Variants in TMCC1 observed in about 807,000 individuals in gnomAD.
The protein encoded by TMCC1 is transmembrane and coiled-coil domain family 1.
A neutral mutation model predicts 52.4 loss-of-function variants in TMCC1; 15 were observed. That is an observed-to-expected ratio of 0.29 (90% CI 0.19 to 0.44). The LOEUF (loss-of-function observed/expected upper bound fraction) is 0.44. TMCC1 is among the 20% of genes least tolerant of loss of function. The pLI, the probability that TMCC1 is intolerant of heterozygous loss-of-function variation, is 1.00. For missense variants in TMCC1, 503 were observed against 806.0 expected (o/e 0.62, Z 4.55); for synonymous variants, 279 against 301.9 (o/e 0.92, Z 0.79).
chr3:129,727,462 T>A (rs1346774326), intron 4 of TMCC1, among the ~76,000 whole-genome samples: 2 of 152,186 alleles, frequency 1.3e-5, no homozygotes, highest in Admixed American at 1.3e-4. Context: ...TTTATAAATA[T>A]GAATTTTAAA....
Position 129,693,749 on chromosome 3 carries a change from C to T in TMCC1, c.577-22485G>A, listed in dbSNP as rs144885175. Reference sequence around the variant, plus strand: ...CCCACATTTTAGTAGATTGATTCTGCCTCTGTGATCTGAATAAAACATTAA... The same window carrying T: ...CCCACATTTTAGTAGATTGATTCTGTCTCTGTGATCTGAATAAAACATTAA... On this transcript the variant is annotated intron_variant, in intron 4 of 6. Transcript: ENST00000393238. 6.6e-5 allele frequency among the ~76,000 whole-genome samples: 10 copies of T among 152,164 alleles called. No individual in the cohort carries two copies. In the East Asian group the frequency reaches 1.9e-3, roughly 29 times the overall value.
intron 4 of TMCC1, among the ~76,000 whole-genome samples, chr3:129,753,578 G>A (rs772429783): frequency 1.3e-5 from 2 of 152,074 alleles, no homozygotes; most frequent in African/African-American, 2.4e-5. Flanking sequence ...CATATCAAAA[G>A]TCTAAATAAA....
chr3:129,729,457 A>G (rs2050372319), intron 4 of TMCC1, among the ~76,000 whole-genome samples: 1 of 152,236 alleles, frequency 6.6e-6, no homozygotes, highest in Admixed American at 6.5e-5. Flanking sequence ...AGGGTTTAAA[A>G]ATAAAACTAT....
chr3:129,820,878 T>C (rs1051351849), intron 4 of TMCC1, among the ~76,000 whole-genome samples: 1 of 152,198 alleles, frequency 6.6e-6, no homozygotes, highest in Non-Finnish European at 1.5e-5. Context: ...CTTCCTACTT[T>C]TAAGCACTGT....
chr3:129,710,596 T>C lies in TMCC1; in HGVS notation c.577-39332A>G, dbSNP rs1333077928. On this transcript the variant is annotated intron_variant, in intron 4 of 6. Coordinates refer to ENST00000393238, the MANE Select transcript of TMCC1 (RefSeq NM_001017395.5). The stretch of plus-strand genomic sequence containing the variant: ...AATCCAAGTTCACGGTTTTTATGAC[T>C]ATACTATGTCTTCTCCCATGGCCAA... Among the ~76,000 whole-genome samples the C allele has an allele frequency of 2.0e-5, 3 of 152,236 alleles. No individual in the cohort carries two copies. In the East Asian group the frequency reaches 5.8e-4, roughly 29 times the overall value.
intron 4 of TMCC1, among the ~76,000 whole-genome samples, chr3:129,782,611 C>A (rs999930725): frequency 6.6e-6 from 1 of 152,080 alleles, no homozygotes; most frequent in African/African-American, 2.4e-5. Context: ...ACGGATAGAA[C>A]AATCTTTCTC....
At chr3:129,740,092 G>A (rs1215026397) in intron 4 of TMCC1, among the ~76,000 whole-genome samples, 2 of 152,222 alleles carry the variant, frequency 1.3e-5, no homozygotes, top group African/African-American at 4.8e-5. Context: ...GTGTAAGTGA[G>A]AACAGCTCAG....
chr3:129,719,872 C>G (rs1247857944), intron 4 of TMCC1, among the ~76,000 whole-genome samples: 1 of 151,980 alleles, frequency 6.6e-6, no homozygotes, highest in Non-Finnish European at 1.5e-5. Flanking sequence ...TTTGGATTTC[C>G]CACTCCTGTC....
At chr3:129,698,859 C>T (rs1366979332) in intron 4 of TMCC1, among the ~76,000 whole-genome samples, 2 of 151,992 alleles carry the variant, frequency 1.3e-5, no homozygotes, top group Admixed American at 6.6e-5. Context: ...CTTTATAAAA[C>T]AAGTTATCTG....
intron 1 of TMCC1, among the ~76,000 whole-genome samples, chr3:129,887,319 G>A (rs145402216): frequency 7.9e-4 from 120 of 152,046 alleles, no homozygotes; most frequent in African/African-American, 2.7e-3. Context: ...CAAGGAGGGC[G>A]GATCATGAGG....
chr3:129,852,456 CAAAAA>C (rs1015860543), intron 2 of TMCC1, among the ~76,000 whole-genome samples: 29 of 39,830 alleles, frequency 7.3e-4, no homozygotes, highest in African/African-American at 2.7e-3. Flanking sequence ...GACACCGTCT[CAAAAA>C]AAAAAAAAAA....
intron 2 of TMCC1, among the ~76,000 whole-genome samples, chr3:129,836,629 C>T (rs995669067): frequency 2.6e-5 from 4 of 152,226 alleles, no homozygotes; most frequent in Non-Finnish European, 5.9e-5. Context: ...ACAGCTAAGG[C>T]TAGACAGGCA....
intron 4 of TMCC1, among the ~76,000 whole-genome samples, chr3:129,775,533 G>A (rs1033458765): frequency 2.6e-5 from 4 of 152,120 alleles, no homozygotes; most frequent in African/African-American, 7.2e-5. Flanking sequence ...GGTACACATC[G>A]TGGGTAACAT....
chr3:129,848,076 G>A (rs549041109), intron 2 of TMCC1: 10 of 152,026 alleles, frequency 6.6e-5, no homozygotes, highest in African/African-American at 2.4e-4. Flanking sequence ...TCAGACACAC[G>A]TTCTGCAAAT....
intron 1 of TMCC1, among the ~76,000 whole-genome samples, chr3:129,888,672 T>C (rs2061830673): frequency 3.3e-5 from 5 of 152,208 alleles, no homozygotes. Flanking sequence ...TTTAAGTAGA[T>C]ACACCACCCT....
chr3:129,871,232 G>A (rs2060913545), intron 2 of TMCC1, among the ~76,000 whole-genome samples: 1 of 152,020 alleles, frequency 6.6e-6, no homozygotes, highest in Non-Finnish European at 1.5e-5. Context: ...GGTGGCATGT[G>A]CCTGTAATCC....
chr3:129,810,042 A>G (rs568241901), intron 4 of TMCC1, among the ~76,000 whole-genome samples: 1 of 152,312 alleles, frequency 6.6e-6, no homozygotes, highest in African/African-American at 2.4e-5. Flanking sequence ...AAGGCAACAA[A>G]AGATACTGAT....
chr3:129,841,491 G>A (rs935942187), intron 2 of TMCC1, among the ~76,000 whole-genome samples: 3 of 152,186 alleles, frequency 2.0e-5, no homozygotes, highest in African/African-American at 7.2e-5. Context: ...GGCTGAGGCA[G>A]GAGAATCACT....
chr3:129,711,569 G>A (rs59229197), intron 4 of TMCC1, among the ~76,000 whole-genome samples: 4,941 of 152,120 alleles, frequency 0.032, 99 homozygotes, highest in African/African-American at 0.059. Flanking sequence ...CCTAGGCCAC[G>A]TGCAGTGGCT....
Sources: allele counts gnomAD v4.1 joint callset (sites outside exome capture counted in the v4.1 genomes callset), GRCh38; gene constraint gnomAD v4.1.1; transcripts MANE v1.5; gene names NCBI Gene and HGNC (gene_info 2026-07-23, HGNC 2026-07-21).